The following SNRK variants were observed in gnomAD, a reference collection of about 807,000 sequenced individuals.
The protein encoded by SNRK is SNF-related serine/threonine-protein kinase.
In SNRK, 3 loss-of-function variants were observed where a neutral mutation model predicts 48.2. The ratio of observed to expected loss-of-function variants is 0.06; its 90% CI spans 0.03 to 0.16. SNRK has a LOEUF of 0.16. Among genes scored for constraint, SNRK ranks in the 10% least tolerant of loss-of-function variants. The pLI, the probability that SNRK is intolerant of heterozygous loss-of-function variation, is 1.00. For missense variants in SNRK, 627 were observed against 976.0 expected (o/e 0.64, Z 4.76); for synonymous variants, 376 against 366.1 (o/e 1.03, Z -0.31).
chr3:43,297,361 G>A (rs1431743841), intron 1 of SNRK, among the ~76,000 whole-genome samples: 1 of 152,098 alleles, frequency 6.6e-6, no homozygotes, highest in African/African-American at 2.4e-5. Context: ...TGAAAGTCTT[G>A]TATTAACTTT....
intron 3 of SNRK, among the ~76,000 whole-genome samples, chr3:43,312,363 G>A (rs955954310): frequency 1.3e-5 from 2 of 152,136 alleles, no homozygotes; most frequent in Non-Finnish European, 2.9e-5. Flanking sequence ...TAGAGTCATG[G>A]GGTGTGTCCT....
At chr3:43,288,480 C>G (rs2125609378) in intron 1 of SNRK, among the ~76,000 whole-genome samples, 1 of 152,194 alleles carries the variant, frequency 6.6e-6, no homozygotes, top group African/African-American at 2.4e-5. Flanking sequence ...TTTTAAATGT[C>G]CTTATTAAAA....
chr3:43,341,441 G>A (rs1377274754), intron 5 of SNRK, among the ~76,000 whole-genome samples: 1 of 152,178 alleles, frequency 6.6e-6, no homozygotes, highest in Non-Finnish European at 1.5e-5. Context: ...GTGAGCCACT[G>A]TGCCCAGCCC....
At chr3:43,329,558 T>C (rs1488038782) in intron 3 of SNRK, among the ~76,000 whole-genome samples, 1 of 152,244 alleles carries the variant, frequency 6.6e-6, no homozygotes, top group East Asian at 1.9e-4. Context: ...TGTTCTTTTC[T>C]AGTTTAAATG....
At chr3:43,296,415 C>CATATATATATATATATACATATATAT (rs1553632570) in intron 1 of SNRK, among the ~76,000 whole-genome samples, 3 of 127,216 alleles carry the variant, frequency 2.4e-5, no homozygotes, top group South Asian at 5.1e-4. Context: ...GATATACTGG[C>CATATATATATATATATACATATATAT]ATATATATAT....
At chr3:43,287,725 T>C (rs1223258810) in intron 1 of SNRK, among the ~76,000 whole-genome samples, 1 of 152,234 alleles carries the variant, frequency 6.6e-6, no homozygotes, top group African/African-American at 2.4e-5. Context: ...ATGCCTGAGT[T>C]TGGGCTCCTT....
At chr3:43,335,384 A>G (rs60410086) in intron 4 of SNRK, among the ~76,000 whole-genome samples, 1 of 152,056 alleles carries the variant, frequency 6.6e-6, no homozygotes, top group Non-Finnish European at 1.5e-5. Flanking sequence ...GCGTTTTTCT[A>G]ATTAGCTTTT....
chr3:43,333,579 T>C (rs2091164871), intron 4 of SNRK, among the ~76,000 whole-genome samples: 1 of 152,084 alleles, frequency 6.6e-6, no homozygotes, highest in Admixed American at 6.6e-5. Flanking sequence ...ACGTTACTGT[T>C]AACTATTCTC....
chr3:43,344,811 A>G (rs2091263177), intron 6 of SNRK, among the ~76,000 whole-genome samples: 1 of 152,152 alleles, frequency 6.6e-6, no homozygotes, highest in South Asian at 2.1e-4. Flanking sequence ...CCCTGGCAAG[A>G]AAGAGTAACC....
chr3:43,344,560 G>A (rs979218765), intron 6 of SNRK, among the ~76,000 whole-genome samples: 13 of 152,126 alleles, frequency 8.5e-5, no homozygotes, highest in Non-Finnish European at 1.5e-4. Flanking sequence ...GGCAGAGTAG[G>A]GGGAGGAAAA....
At chr3:43,306,263 A>G (rs2090937084) in intron 3 of SNRK, among the ~76,000 whole-genome samples, 1 of 5,570 alleles carries the variant, frequency 1.8e-4, no homozygotes, top group Admixed American at 4.3e-3. Flanking sequence ...CTTTCTGTTA[A>G]TCTACATTAG....
rs1324960631 is a variant in SNRK, at chr3:43,349,561, A to G, written c.*1004A>G. 6.6e-6 allele frequency: 1 copy of G among 152,246 alleles called. No individual in the cohort carries two copies. The highest frequency in any genetic ancestry group is 1.9e-4 in the East Asian group (1 of 5,204). 9.4% of individuals were successfully genotyped at this position (152,246 alleles called of 1,614,324 possible). A position where few individuals can be genotyped will look rare whatever the true frequency, so the allele number is the denominator to read the frequency against. On this transcript the variant is annotated 3_prime_UTR_variant, in exon 7 of 7. Transcript: ENST00000296088. ...TTCATTCAGTTATATCCTTTGGCTC[A>G]GCTAGCTTTGAAATTGGCTGATGAA...
Position 43,348,162 on chromosome 3 carries a change from C to T in SNRK, c.1903C>T (p.Leu635=). The change falls in exon 7 of 7, where the codon CTG becomes TTG. Residue 635 remains leucine, a synonymous_variant. Coordinates refer to ENST00000296088, the MANE Select transcript of SNRK (RefSeq NM_017719.5). The stretch of plus-strand genomic sequence containing the variant: ...TGCCGGCCCCAGCAACTCCATGCAG[C>T]TGGCCTCTCGCAGTGCTGGGGAGCT... ...RCAGPSNSMQ[L]ASRSAGELVE... 1.3e-6 allele frequency: 2 copies of T among 1,585,080 alleles called. No individual in the cohort carries two copies. The highest frequency in any genetic ancestry group is 1.7e-6 in the Non-Finnish European group (2 of 1,166,692).
rs566742325 is a variant in SNRK, at chr3:43,312,453, T to C, written c.589+8661T>C. On this transcript the variant is annotated intron_variant, in intron 3 of 6. Transcript: ENST00000296088. ...TGTCCTACATTAAAATATTACTCTTTGCCTGCTCTAAGTAAACAAGGAATA... is the reference window on the plus strand; with the variant it reads ...TGTCCTACATTAAAATATTACTCTTCGCCTGCTCTAAGTAAACAAGGAATA... Among the ~76,000 whole-genome samples the C allele has an allele frequency of 1.4e-4, 22 of 152,304 alleles. 1 individual carries two copies. In the South Asian group the frequency reaches 3.3e-3, roughly 23 times the overall value.
chr3:43,348,558 C>T lies in SNRK; in HGVS notation c.*1C>T, dbSNP rs1201781690. The T allele has an allele frequency of 1.3e-6, 2 of 1,528,034 alleles. No individual in the cohort carries two copies. Among genetic ancestry groups the T allele is most frequent in the Non-Finnish European group, 1.8e-6 (2 of 1,141,556 alleles). 94.7% of individuals were successfully genotyped at this position (1,528,034 alleles called of 1,614,324 possible). Reference sequence around the variant, plus strand: ...AGCCAGCTGTTGCCATGTCATCTGACTGTGGCCCCATCTGGCCGCTAGCAC... The same window carrying T: ...AGCCAGCTGTTGCCATGTCATCTGATTGTGGCCCCATCTGGCCGCTAGCAC... On this transcript the variant is annotated 3_prime_UTR_variant, in exon 7 of 7. Transcript: ENST00000296088.
At position 43,348,483 on chromosome 3, in the gene SNRK, G is replaced by C. The variant is rs1349434015; in HGVS notation, c.2224G>C (p.Val742Leu). 1.2e-6 allele frequency: 2 copies of C among 1,600,306 alleles called. No individual in the cohort carries two copies. Among genetic ancestry groups the C allele is most frequent in the Admixed American group, 3.5e-5 (2 of 57,610 alleles). ...QLPLCEKTIS[V>L]NIQRNPKEGL... The stretch of plus-strand genomic sequence containing the variant: ...ACCTCTGTGCGAAAAGACCATCTCT[G>C]TGAACATCCAGCGGAACCCTAAGGA... The change falls in exon 7 of 7, where the codon GTG becomes CTG. Residue 742 changes from valine to leucine, a missense_variant. Transcript: ENST00000296088.
intron 3 of SNRK, among the ~76,000 whole-genome samples, chr3:43,307,079 A>G (rs2090943274): frequency 6.6e-6 from 1 of 152,100 alleles, no homozygotes; most frequent in Non-Finnish European, 1.5e-5. Flanking sequence ...GTACCCTTAC[A>G]TGTTTTTATT....
chr3:43,338,886 A>T (rs1428357595), intron 4 of SNRK, among the ~76,000 whole-genome samples: 1 of 152,148 alleles, frequency 6.6e-6, no homozygotes, highest in Non-Finnish European at 1.5e-5. Flanking sequence ...TTCCCTGGCT[A>T]TATTATTTTC....
At chr3:43,295,409 G>C (rs546050495) in intron 1 of SNRK, among the ~76,000 whole-genome samples, 1 of 152,274 alleles carries the variant, frequency 6.6e-6, no homozygotes, top group African/African-American at 2.4e-5. Flanking sequence ...CCATCAAATT[G>C]ATGAAAACGA....
Sources: gnomAD v4.1 joint callset for allele counts (sites outside exome capture counted in the v4.1 genomes callset) on GRCh38, gnomAD v4.1.1 for gene constraint, MANE v1.5 for transcripts, NCBI Gene and HGNC (gene_info 2026-07-23, HGNC 2026-07-21) for gene names.